The following FGF17 variants were observed in gnomAD, a reference collection of about 807,000 sequenced individuals.
FGF17 encodes fibroblast growth factor 17.
FGF17 carries 5 observed loss-of-function variants against 23.5 expected under a neutral mutation model. The ratio of observed to expected loss-of-function variants is 0.21; its 90% CI spans 0.11 to 0.45. The LOEUF is 0.45. Among genes scored for constraint, FGF17 ranks in the 20% least tolerant of loss-of-function variants. The probability of loss-of-function intolerance (pLI) is 0.99; values close to 1 mark genes in which losing one functional copy is unlikely to be tolerated. For synonymous variants in FGF17, 136 were observed against 123.0 expected (o/e 1.11, Z -0.70); for missense variants, 221 against 306.9 (o/e 0.72, Z 2.09).
upstream of FGF17, among the ~76,000 whole-genome samples, chr8:22,041,402 C>T (rs1335438110): frequency 6.6e-6 from 1 of 152,084 alleles, no homozygotes; most frequent in East Asian, 1.9e-4. Flanking sequence ...TAAATAAATC[C>T]ACATCCGCCA....
chr8:22,045,329 G>A (rs1800842208), intron 2 of FGF17: 3 of 986,716 alleles, frequency 3.0e-6, no homozygotes, highest in African/African-American at 1.7e-5. Flanking sequence ...ACCGCTGATA[G>A]TGCCTGTCCT....
At chr8:22,042,623 G>C (rs1227635189), upstream of FGF17, 1 of 579,660 alleles carries the variant, frequency 1.7e-6, no homozygotes, top group East Asian at 2.9e-5. Flanking sequence ...CCCTGCACTG[G>C]GTGGCCCAGG....
chr8:22,044,921 T>C (rs1373253158), intron 2 of FGF17: 5 of 985,336 alleles, frequency 5.1e-6, no homozygotes, highest in Non-Finnish European at 4.8e-6. Context: ...AGGTTGGGCC[T>C]GGGATAAAGG....
rs1045031503 is a variant in FGF17, at chr8:22,048,666, G to A, written c.*417G>A. On this transcript the variant is annotated 3_prime_UTR_variant, in exon 5 of 5. Transcript: ENST00000359441. This position sits in a 1 kb window ranked among gnomAD's most constrained non-coding sequence, Gnocchi z 6.9. ...CTCCTCCTGGCTAGACTGTAGGAAG[G>A]GACTTTTGTTTGTTTGTTTGTTTCA... The A allele has an allele frequency of 4.9e-6, 1 of 203,960 alleles. No homozygotes were observed. The highest frequency in any genetic ancestry group is 1.4e-4 in the South Asian group (1 of 7,276). The allele number at this position is 203,960 out of a possible 1,614,324, so 12.6% of individuals were successfully genotyped here. A position where few individuals can be genotyped will look rare whatever the true frequency, so the allele number is the denominator to read the frequency against.
intron 2 of FGF17, among the ~76,000 whole-genome samples, chr8:22,044,266 C>T (rs1382956414): frequency 9.9e-5 from 15 of 152,084 alleles, no homozygotes; most frequent in Non-Finnish European, 1.5e-4. Flanking sequence ...TTGAAGTGCC[C>T]CCTCACCCCC....
rs1382911442 is a variant in FGF17, at chr8:22,048,094, C to A, written c.496C>A (p.Arg166Ser). Residue 166 changes from arginine (R) to serine (S), a missense_variant, in exon 5 of 5, where the codon CGC (arginine) becomes AGC (serine). Physicochemically the swap from Arg to Ser is moderately radical, Grantham distance 110. Coordinates refer to ENST00000359441, the MANE Select transcript of FGF17 (RefSeq NM_003867.4). The surrounding 1 kb of genome is among the most constrained non-coding windows in gnomAD (Gnocchi z 6.9). ...GCGGCCCCGCCAGGCTTCCCGCAGC[C>A]GCCAGAACCAGCGCGAGGCCCACTT... ...QGRPRQASRS[R>S]QNQREAHFIK... The A allele has an allele frequency of 6.2e-7, 1 of 1,613,156 alleles. No individual in the cohort carries two copies. The highest frequency in any genetic ancestry group is 8.5e-7 in the Non-Finnish European group (1 of 1,179,818).
Position 22,048,226 on chromosome 8 carries a change from C to T in FGF17, c.628C>T (p.Arg210Trp). Residue 210 changes from arginine to tryptophan, a missense_variant, in exon 5 of 5, where the codon CGG (arginine) becomes TGG (tryptophan). Arg to Trp is a moderately radical substitution (Grantham distance 101, BLOSUM62 -3). Around this residue, in one of 3 missense-constraint regions of FGF17, gnomAD observed 128 missense variants for 150.4 expected, o/e 0.85. Coordinates refer to ENST00000359441, the MANE Select transcript of FGF17 (RefSeq NM_003867.4). This position sits in a 1 kb window ranked among gnomAD's most constrained non-coding sequence, Gnocchi z 6.9. ...CCCCACCCGCCGGACCAAGCGCACA[C>T]GGCGGCCCCAGCCCCTCACGTAGTC... ...SAPTRRTKRT[R>W]RPQPLT 3.1e-6 allele frequency: 5 copies of T among 1,608,482 alleles called. No individual in the cohort carries two copies. The highest frequency in any genetic ancestry group is 3.4e-6 in the Non-Finnish European group (4 of 1,178,048).
rs3176304 is a variant in FGF17, at chr8:22,048,261, G to C, written c.*12G>C. 419,975 of 1,579,340 alleles carry C rather than the reference G, an allele frequency of 0.27. 57,679 individuals carry two copies. Among genetic ancestry groups the C allele is most frequent in the Admixed American group, 0.37 (20,712 of 55,790 alleles). The stretch of plus-strand genomic sequence containing the variant: ...AGCCCCTCACGTAGTCTGGGAGGCA[G>C]GGGGCAGCAGCCCCTGGGCCGCCTC... On this transcript the variant is annotated 3_prime_UTR_variant, in exon 5 of 5. Transcript: ENST00000359441. The surrounding 1 kb of genome is among the most constrained non-coding windows in gnomAD (Gnocchi z 6.9).
chr8:22,044,774 C>G, intron 2 of FGF17: 2 of 985,400 alleles, frequency 2.0e-6, no homozygotes, highest in Non-Finnish European at 2.4e-6. Context: ...GTGTTAACCC[C>G]GCGCAGGTTA....
chr8:22,043,213 A>G (rs1222018100), intron 2 of FGF17, 32 bp downstream of exon 2: 12 of 1,609,972 alleles, frequency 7.5e-6, no homozygotes, highest in East Asian at 4.5e-5. Context: ...CTTTCCCCCA[A>G]TTTTTCCACC....
intron 2 of FGF17, chr8:22,045,379 T>G (rs1485056088): frequency 6.1e-5 from 60 of 988,200 alleles, no homozygotes; most frequent in Non-Finnish European, 7.0e-5. Context: ...AGGAGGCACC[T>G]TGCCTGCCTG....
intron 2 of FGF17, among the ~76,000 whole-genome samples, chr8:22,044,389 G>A (rs1800810612): frequency 6.6e-6 from 1 of 152,012 alleles, no homozygotes; most frequent in African/African-American, 2.4e-5. Flanking sequence ...ACATGAAAGG[G>A]ACAGGCTAGG....
At chr8:22,042,552 G>A (rs766365184), upstream of FGF17, 4 of 399,716 alleles carry the variant, frequency 1.0e-5, no homozygotes, top group Admixed American at 1.2e-4. Flanking sequence ...AGTCTGTGAG[G>A]GTCAGGAATA....
In FGF17 at chr8:22,042,927, C is replaced by G. The variant is rs375311317; in HGVS notation, c.-2C>G. 1 of 1,613,248 alleles carries G rather than the reference C, an allele frequency of 6.2e-7. No individual in the cohort carries two copies. Among genetic ancestry groups the G allele is most frequent in the South Asian group, 1.1e-5 (1 of 90,932 alleles). ...GCAACCGCCTGAGGAACCTCTCCAGCGATGGGAGCCGCCCGCCTGCTGCCC... is the reference window on the plus strand; with the variant it reads ...GCAACCGCCTGAGGAACCTCTCCAGGGATGGGAGCCGCCCGCCTGCTGCCC... On this transcript the variant is annotated 5_prime_UTR_variant, in exon 1 of 5. Transcript: ENST00000359441.
Position 22,046,169 on chromosome 8 carries a change from T to C in FGF17, c.128T>C (p.Met43Thr). 5 of 1,614,172 alleles carry C rather than the reference T, an allele frequency of 3.1e-6. No individual in the cohort carries two copies. Among genetic ancestry groups the C allele is most frequent in the Non-Finnish European group, 4.2e-6 (5 of 1,180,036 alleles). Residue 43 changes from methionine to threonine, a missense_variant, in exon 3 of 5, where the codon ATG becomes ACG. Coordinates refer to ENST00000359441, the MANE Select transcript of FGF17 (RefSeq NM_003867.4). ...FNQYVRDQGAMTDQLSRRQIR... is the reference protein window; with the variant it reads ...FNQYVRDQGATTDQLSRRQIR... ...CAGTACGTGAGGGACCAGGGCGCCA[T>C]GACCGACCAGCTGAGCAGGCGGCAG...
Position 22,047,772 on chromosome 8 carries a change from C to T in FGF17, c.358-184C>T, listed in dbSNP as rs879886777. Among the ~76,000 whole-genome samples, 54 of 152,256 alleles carry T rather than the reference C, an allele frequency of 3.5e-4. 2 individuals are homozygous for T. Among genetic ancestry groups the T allele is most frequent in the Non-Finnish European group, 7.3e-5 (5 of 68,046 alleles). ...AAGCCTGCAACTCAGATCCACAAAG[C>T]GTGTTCTTGTTGGCCACTGTTGCCT... On this transcript the variant is annotated intron_variant, in intron 4 of 4. Coordinates refer to ENST00000359441, the MANE Select transcript of FGF17 (RefSeq NM_003867.4).
intron 3 of FGF17, 46 bp from the exon 4 acceptor site, chr8:22,046,481 C>T (rs1041424543): frequency 1.8e-5 from 27 of 1,529,092 alleles, no homozygotes; most frequent in Non-Finnish European, 2.3e-5. Context: ...AGCCATAGGC[C>T]GGCAGCCCCG....
Position 22,047,969 on chromosome 8 carries a change from G to C in FGF17, c.371G>C (p.Ser124Thr). ...CTTCTCCCGCAGCCCAGCGGGAAGA[G>C]CAAAGACTGCGTGTTCACGGAGATC... Reference protein sequence around the residue: ...GKLIGKPSGKSKDCVFTEIVL... With the variant: ...GKLIGKPSGKTKDCVFTEIVL... Residue 124 changes from serine (S) to threonine (T), a missense_variant, in exon 5 of 5, where the codon AGC (serine) becomes ACC (threonine). Physicochemically the swap from Ser to Thr is moderately conservative, Grantham distance 58. Around this residue, in one of 3 missense-constraint regions of FGF17, gnomAD observed 128 missense variants for 150.4 expected, o/e 0.85. Coordinates refer to ENST00000359441, the MANE Select transcript of FGF17 (RefSeq NM_003867.4). The C allele has an allele frequency of 2.5e-6, 4 of 1,603,070 alleles. No homozygotes were observed. The highest frequency in any genetic ancestry group is 2.6e-6 in the Non-Finnish European group (3 of 1,171,058).
At chr8:22,041,545 C>G (rs1055738318), upstream of FGF17, among the ~76,000 whole-genome samples, 3 of 152,182 alleles carry the variant, frequency 2.0e-5, no homozygotes, top group Admixed American at 2.0e-4. Context: ...CAGTCACCGT[C>G]ATCCACTTTT....
Sources: allele counts gnomAD v4.1 joint callset (sites outside exome capture counted in the v4.1 genomes callset), GRCh38; gene constraint gnomAD v4.1.1; regional missense constraint gnomAD v4.1.1; non-coding constraint Gnocchi (gnomAD v3.1); transcripts MANE v1.5; gene names NCBI Gene and HGNC (gene_info 2026-07-23, HGNC 2026-07-21).